SLC26A3: variants seen among roughly 807,000 people sequenced by gnomAD.
SLC26A3 encodes the protein solute carrier family 26 member 3, also known as chloride anion exchanger.
A neutral mutation model predicts 85.6 loss-of-function variants in SLC26A3; 64 were observed. That is an observed-to-expected ratio of 0.75 (90% CI 0.61 to 0.92). The LOEUF (loss-of-function observed/expected upper bound fraction) is 0.92, where lower values mean the gene tolerates loss of function less well. Among genes scored for constraint, SLC26A3 ranks in the 40% least tolerant of loss-of-function variants. SLC26A3 has a pLI of 0.00. For missense variants in SLC26A3, 922 were observed against 927.3 expected, an observed-to-expected ratio of 0.99 and a Z score of 0.07; for synonymous variants, 349 against 336.0, an observed-to-expected ratio of 1.04 and a Z score of -0.42.
intron 16 of SLC26A3, 138 bp from the exon 17 acceptor site, chr7:107,774,291 C>A: frequency 1.4e-6 from 1 of 740,350 alleles, no homozygotes; most frequent in Non-Finnish European, 2.4e-6. Context: ...GTGGCTCATG[C>A]CTGTCATCCC....
rs746613423 is a variant in SLC26A3 at position 107,787,359 on chromosome 7, T to C, written c.886A>G (p.Met296Val). 4.3e-6 allele frequency: 7 copies of C among 1,613,954 alleles called. No individual in the cohort carries two copies. The highest frequency in any genetic ancestry group is 1.3e-5 in the African/African-American group (1 of 75,038). The change falls in exon 7 of 21, where the codon ATG (methionine) becomes GTG (valine). Residue 296 changes from methionine to valine, a missense_variant and splice_region_variant. Physicochemically the swap from Met to Val is conservative, Grantham distance 21 (BLOSUM62 1). Transcript: ENST00000340010. ...LPVPIPIEFI[M>V]TVIAAGVSYG... ...AGAGTCTGAAAATGATCAATTACCA[T>C]AATGAATTCGATTGGAATGGGCACT...
At chr7:107,768,669 A>T (rs1271917478) in intron 18 of SLC26A3, among the ~76,000 whole-genome samples, 1 of 152,154 alleles carries the variant, frequency 6.6e-6, no homozygotes, top group African/African-American at 2.4e-5. Flanking sequence ...TTCCCAGCAC[A>T]TAGTATGTCT....
Position 107,791,625 on chromosome 7 carries a change from AAAAT to A in SLC26A3, c.382+201_382+204del, listed in dbSNP as rs3076033. Among the ~76,000 whole-genome samples the A allele has an allele frequency of 0.46, 69,350 of 149,276 alleles. 16,842 individuals carry two copies. Among genetic ancestry groups the A allele is most frequent in the African/African-American group, 0.6 (24,233 of 40,368 alleles). ...AAAACTCCGTCTCAAAAAATAAATA[AAAAT>A]AAATAAATAAATAAATAAATAAATA... is the stretch of plus-strand genomic sequence containing the variant. On this transcript the variant is annotated intron_variant, in intron 4 of 20. Coordinates refer to ENST00000340010, the MANE Select transcript of SLC26A3 (RefSeq NM_000111.3).
chr7:107,796,327 A>C (rs1584414096), intron 1 of SLC26A3, among the ~76,000 whole-genome samples: 1 of 152,032 alleles, frequency 6.6e-6, no homozygotes, highest in African/African-American at 2.4e-5. Flanking sequence ...GGCTGGCCTC[A>C]AACTCCTAGG....
intron 5 of SLC26A3, among the ~76,000 whole-genome samples, 165 bp from the exon 6 acceptor site, chr7:107,789,853 G>T (rs1211181624): frequency 6.6e-6 from 1 of 152,130 alleles, no homozygotes; most frequent in East Asian, 1.9e-4. Context: ...CTCCCACCCA[G>T]GGCTCCTCTC....
chr7:107,776,315 G>T, intron 15 of SLC26A3, 137 bp downstream of exon 15: 1 of 760,926 alleles, frequency 1.3e-6, no homozygotes. Flanking sequence ...TCTGGGACGT[G>T]GGACAAAAAA....
rs535987339 is a variant in SLC26A3 at position 107,776,504 on chromosome 7, G to C, written c.1625C>G (p.Ser542Cys). The C allele has an allele frequency of 3.1e-6, 5 of 1,614,104 alleles. No individual in the cohort carries two copies. The South Asian group carries it at 5.5e-5, about 18-fold the overall frequency. Residue 542 changes from serine to cysteine, a missense_variant, in exon 15 of 21, where the codon TCT becomes TGT. Coordinates refer to ENST00000340010, the MANE Select transcript of SLC26A3 (RefSeq NM_000111.3). Reference sequence around the variant, plus strand: ...ACCAATGTTTGCAAAGTAGATAGGAGATGGACATCTGAAAATTTTCACTCC... The same window carrying C: ...ACCAATGTTTGCAAAGTAGATAGGACATGGACATCTGAAAATTTTCACTCC... ...PEGVKIFRCPSPIYFANIGFF... is the reference protein window; with the variant it reads ...PEGVKIFRCPCPIYFANIGFF...
intron 17 of SLC26A3, among the ~76,000 whole-genome samples, 163 bp downstream of exon 17, chr7:107,773,757 G>A (rs970974163): frequency 6.6e-6 from 1 of 152,142 alleles, no homozygotes; most frequent in Non-Finnish European, 1.5e-5. Context: ...CGCCATGTTG[G>A]CCAGGCTGGT....
Position 107,772,057 on chromosome 7 carries a change from C to A in SLC26A3, c.2059G>T (p.Asp687Tyr). Residue 687 changes from aspartate (D) to tyrosine (Y), a missense_variant, in exon 18 of 21, where the codon GAT becomes TAT. Transcript: ENST00000340010. Reference sequence around the variant, plus strand: ...AAACAAAAATAAAGCCACTTACCATCAGTTCCAACGATATACACATCTACC... The same window carrying A: ...AAACAAAAATAAAGCCACTTACCATAAGTTCCAACGATATACACATCTACC... ...IKVDVYIVGT[D>Y]DDFIEKLNRY... 1 of 1,611,324 alleles carries A rather than the reference C, an allele frequency of 6.2e-7. No homozygotes were observed. Among genetic ancestry groups the A allele is most frequent in the South Asian group, 1.1e-5 (1 of 91,022 alleles).
rs772097371 is a variant in SLC26A3, at chr7:107,783,034, C to G, written c.1179G>C (p.Gly393=). ...IVCGVFRGFA[G]STALSRSAVQ... ...CTGCTGATCTGGAGAGGGCAGTACT[C>G]CCAGCAAATCCTCTGAATACTCCAC... The change falls in exon 10 of 21, where the codon GGG becomes GGC. Residue 393 remains glycine, a synonymous_variant. Coordinates refer to ENST00000340010, the MANE Select transcript of SLC26A3 (RefSeq NM_000111.3). The G allele has an allele frequency of 3.1e-6, 5 of 1,614,224 alleles. No individual in the cohort carries two copies. In the Admixed American group the frequency reaches 6.7e-5, roughly 22 times the overall value.
rs368292176 is a variant in SLC26A3, at chr7:107,786,851, G to C, written c.947C>G (p.Ala316Gly). ...CCCAGGATTCATGTCCCCAACCACA[G>C]CCACTTTAAACCTGTTTTTAAAGTC... ...GCDFKNRFKV[A>G]VVGDMNPGFQ... Residue 316 changes from alanine (A) to glycine (G), a missense_variant, in exon 8 of 21, where the codon GCT (alanine) becomes GGT (glycine). Physicochemically the swap from Ala to Gly is moderately conservative, Grantham distance 60. Coordinates refer to ENST00000340010, the MANE Select transcript of SLC26A3 (RefSeq NM_000111.3). 5 of 1,613,860 alleles carry C rather than the reference G, an allele frequency of 3.1e-6. No homozygotes were observed. The highest frequency in any genetic ancestry group is 3.4e-6 in the Non-Finnish European group (4 of 1,179,952).
At chr7:107,778,328 G>A (rs2115827526) in intron 12 of SLC26A3, 47 bp from the exon 13 acceptor site, 1 of 958,526 alleles carries the variant, frequency 1.0e-6, no homozygotes, top group Non-Finnish European at 1.6e-6. Flanking sequence ...TTTGATTAAA[G>A]TACAATGTCG....
intron 13 of SLC26A3, 35 bp from the exon 14 acceptor site, chr7:107,776,741 G>A: frequency 2.5e-6 from 4 of 1,593,376 alleles, no homozygotes; most frequent in Non-Finnish European, 3.4e-6. Context: ...AATCATTCAT[G>A]TATGTTTGTT....
chr7:107,787,321 G>T, intron 7 of SLC26A3, 36 bp downstream of exon 7: 1 of 1,608,634 alleles, frequency 6.2e-7, no homozygotes, highest in African/African-American at 1.3e-5. Context: ...ATAAACAGTA[G>T]AGTAGCTATG....
intron 18 of SLC26A3, among the ~76,000 whole-genome samples, chr7:107,771,259 G>A (rs754906812): frequency 5.3e-5 from 8 of 152,122 alleles, no homozygotes; most frequent in Admixed American, 1.3e-4. Context: ...AATCATATAC[G>A]TAGTTCTAAA....
intron 3 of SLC26A3, among the ~76,000 whole-genome samples, chr7:107,793,047 T>A (rs2115882380): frequency 6.6e-6 from 1 of 152,324 alleles, no homozygotes; most frequent in South Asian, 2.1e-4. Context: ...AGATACCACT[T>A]CACACTCACT....
chr7:107,770,014 C>CTTTCTTTCT (rs1554377090), intron 18 of SLC26A3, among the ~76,000 whole-genome samples: 1 of 37,296 alleles, frequency 2.7e-5, no homozygotes, highest in Non-Finnish European at 4.6e-5. Context: ...TTCTTTCTTT[C>CTTTCTTTCT]TTTCTTTCTT....
chr7:107,776,386 G>A, intron 15 of SLC26A3, 66 bp downstream of exon 15: 1 of 1,291,178 alleles, frequency 7.7e-7, no homozygotes, highest in East Asian at 2.3e-5. Context: ...TGACCTTACA[G>A]AACAATGACA....
rs541963811 is a variant in SLC26A3, at chr7:107,769,895, G to A, written c.2063-1987C>T. 5.1e-4 allele frequency among the ~76,000 whole-genome samples: 78 copies of A among 152,166 alleles called. 1 individual carries two copies. The highest frequency in any genetic ancestry group is 6.8e-3 in the Middle Eastern group (2 of 294). On this transcript the variant is annotated intron_variant, in intron 18 of 20. Transcript: ENST00000340010. ...CCCCTAAGTACTGTCAAGGTTGACTGCCTCACTTCGTTCTAGTCTGTACTC... is the reference window on the plus strand; with the variant it reads ...CCCCTAAGTACTGTCAAGGTTGACTACCTCACTTCGTTCTAGTCTGTACTC...
Sources: allele counts gnomAD v4.1 joint callset (sites outside exome capture counted in the v4.1 genomes callset), GRCh38; gene constraint gnomAD v4.1.1; transcripts MANE v1.5; gene names NCBI Gene and HGNC (gene_info 2026-07-23, HGNC 2026-07-21).